UBE2W: variants seen among roughly 807,000 people sequenced by gnomAD.
UBE2W encodes ubiquitin conjugating enzyme E2 W.
Under a neutral mutation model 27.2 loss-of-function variants are expected in UBE2W, and 18 were observed. The observed-to-expected ratio is 0.66, with a 90% CI of 0.46 to 0.98. The LOEUF (loss-of-function observed/expected upper bound fraction) is 0.98. Ranked by LOEUF, UBE2W falls within the 50% of genes least tolerant of loss-of-function variation. UBE2W has a pLI of 0.00. For synonymous variants in UBE2W, 53 were observed against 57.2 expected, an observed-to-expected ratio of 0.93 and a Z score of 0.33; for missense variants, 90 against 180.2, an observed-to-expected ratio of 0.50 and a Z score of 2.87.
chr8:73,842,415 G>C (rs1456680082), intron 1 of UBE2W, among the ~76,000 whole-genome samples: 1 of 150,950 alleles, frequency 6.6e-6, no homozygotes. Context: ...TGTAGTCCCA[G>C]CTATTCGGGA....
chr8:73,785,386 G>A (rs932861015), downstream of UBE2W, among the ~76,000 whole-genome samples: 10 of 151,956 alleles, frequency 6.6e-5, no homozygotes, highest in African/African-American at 2.2e-4. Context: ...TCACTGATCC[G>A]CCTGCCTTGG....
At chr8:73,856,541 T>A (rs1811310408) in intron 1 of UBE2W, among the ~76,000 whole-genome samples, 1 of 148,634 alleles carries the variant, frequency 6.7e-6, no homozygotes. Flanking sequence ...ATTTTTGTAT[T>A]TTTTGTAGAG....
intron 3 of UBE2W, among the ~76,000 whole-genome samples, chr8:73,816,813 A>C (rs1275712657): frequency 2.6e-5 from 4 of 152,236 alleles, no homozygotes; most frequent in Non-Finnish European, 4.4e-5. Context: ...TGGGCGGATC[A>C]CTGGGGGGTT....
chr8:73,790,275 G>A lies in UBE2W; in HGVS notation c.*3827C>T. 2 of 985,258 alleles carry A rather than the reference G, an allele frequency of 2.0e-6. No individual in the cohort carries two copies. Among genetic ancestry groups the A allele is most frequent in the Non-Finnish European group, 2.4e-6 (2 of 829,900 alleles). 61.0% of individuals were successfully genotyped at this position (985,258 alleles called of 1,614,324 possible). ...TCAGTGGGAAGAGGCAGAAAAATAG[G>A]AAGAAAAATAAAGGACAGATTTAAA... On this transcript the variant is annotated 3_prime_UTR_variant, in exon 6 of 6. Coordinates refer to ENST00000602593, the MANE Select transcript of UBE2W (RefSeq NM_018299.6).
At chr8:73,867,837 C>A (rs1473559201) in intron 1 of UBE2W, among the ~76,000 whole-genome samples, 3 of 151,906 alleles carry the variant, frequency 2.0e-5, no homozygotes, top group Admixed American at 6.6e-5. Flanking sequence ...CAAACCAAAA[C>A]CACAATGAGA....
chr8:73,841,791 A>C (rs1810547028), intron 1 of UBE2W, among the ~76,000 whole-genome samples: 1 of 152,252 alleles, frequency 6.6e-6, no homozygotes, highest in African/African-American at 2.4e-5. Flanking sequence ...AAACAAATCC[A>C]ATAGCAAAAC....
In UBE2W at chr8:73,791,488, A is replaced by T; in HGVS notation, c.*2614T>A. 1.0e-6 allele frequency: 1 copy of T among 985,284 alleles called. No homozygotes were observed. Among genetic ancestry groups the T allele is most frequent in the Non-Finnish European group, 1.2e-6 (1 of 829,830 alleles). 61.0% of individuals were successfully genotyped at this position (985,284 alleles called of 1,614,324 possible). A position where few individuals can be genotyped will look rare whatever the true frequency, so the allele number is the denominator to read the frequency against. On this transcript the variant is annotated 3_prime_UTR_variant, in exon 6 of 6. Coordinates refer to ENST00000602593, the MANE Select transcript of UBE2W (RefSeq NM_018299.6). Reference sequence around the variant, plus strand: ...TAGTGCCCCACGAGGAAATGCAGGGAGGAGGCAAGTAGCATATTCCTATAT... The same window carrying T: ...TAGTGCCCCACGAGGAAATGCAGGGTGGAGGCAAGTAGCATATTCCTATAT...
At chr8:73,836,498 TAGAC>T (rs1400077665) in intron 1 of UBE2W, among the ~76,000 whole-genome samples, 9 of 152,228 alleles carry the variant, frequency 5.9e-5, no homozygotes, top group African/African-American at 2.2e-4. Flanking sequence ...AACAGTTCAT[TAGAC>T]AGGGCAGGAA....
intron 1 of UBE2W, among the ~76,000 whole-genome samples, chr8:73,874,727 T>C (rs1187010335): frequency 6.6e-6 from 1 of 151,902 alleles, no homozygotes; most frequent in African/African-American, 2.4e-5. Flanking sequence ...GTTTAACTCC[T>C]ATCAATTTTA....
chr8:73,834,887 C>A (rs994171706), intron 1 of UBE2W, among the ~76,000 whole-genome samples: 2 of 152,102 alleles, frequency 1.3e-5, no homozygotes, highest in African/African-American at 4.8e-5. Flanking sequence ...GCAGCCTGGG[C>A]TATAGAGTGA....
At chr8:73,823,917 A>C (rs905852533) in intron 3 of UBE2W, among the ~76,000 whole-genome samples, 11 of 152,336 alleles carry the variant, frequency 7.2e-5, no homozygotes, top group African/African-American at 2.4e-4. Flanking sequence ...ATATTGTTTA[A>C]AGTGACAATG....
Position 73,787,781 on chromosome 8 carries a change from C to T in UBE2W, c.*6321G>A. On this transcript the variant is annotated 3_prime_UTR_variant, in exon 6 of 6. Coordinates refer to ENST00000602593, the MANE Select transcript of UBE2W (RefSeq NM_018299.6). The stretch of plus-strand genomic sequence containing the variant: ...GCATCCAGAAGTTCTTAGAGTATGC[C>T]CTTAATTGTACAACTTGAAGTTCAG... The T allele has an allele frequency of 5.1e-6, 5 of 985,316 alleles. No individual in the cohort carries two copies. Among genetic ancestry groups the T allele is most frequent in the Non-Finnish European group, 6.0e-6 (5 of 829,922 alleles). 61.0% of individuals were successfully genotyped at this position (985,316 alleles called of 1,614,324 possible). A position where few individuals can be genotyped will look rare whatever the true frequency, so the allele number is the denominator to read the frequency against.
intron 1 of UBE2W, among the ~76,000 whole-genome samples, chr8:73,866,768 G>C (rs1263601888): frequency 2.0e-5 from 3 of 151,916 alleles, no homozygotes; most frequent in African/African-American, 7.3e-5. Flanking sequence ...AAAGTAAATT[G>C]GCTGGGCGCG....
intron 4 of UBE2W, among the ~76,000 whole-genome samples, chr8:73,781,120 A>G (rs990021304): frequency 1.3e-5 from 2 of 151,734 alleles, no homozygotes; most frequent in Admixed American, 1.3e-4. Context: ...AAATACAAAA[A>G]TTAGCCAGGC....
intron 5 of UBE2W, among the ~76,000 whole-genome samples, chr8:73,797,759 A>T (rs1430779907): frequency 6.6e-6 from 1 of 152,230 alleles, no homozygotes; most frequent in Non-Finnish European, 1.5e-5. Context: ...CCCAAATTAC[A>T]GACTCATTTT....
rs1046611888 is a variant in UBE2W at position 73,803,629 on chromosome 8, G to A, written c.442+2022C>T. Among the ~76,000 whole-genome samples, 9 of 151,822 alleles carry A rather than the reference G, an allele frequency of 5.9e-5. No homozygotes were observed. The South Asian group carries it at 6.2e-4, about 11-fold the overall frequency. ...CGAACCTACAGTTTGTAAAATACAC[G>A]TATTTTTATTTCACAGCTCTTAAAG... On this transcript the variant is annotated intron_variant, in intron 5 of 5. Coordinates refer to ENST00000602593, the MANE Select transcript of UBE2W (RefSeq NM_018299.6).
At chr8:73,874,167 G>A (rs1033352438) in intron 1 of UBE2W, among the ~76,000 whole-genome samples, 2 of 152,116 alleles carry the variant, frequency 1.3e-5, no homozygotes, top group African/African-American at 2.4e-5. Context: ...CGCGGTGGCT[G>A]ACGCCTGTAA....
At chr8:73,805,932 T>C (rs1808885282) in intron 4 of UBE2W, among the ~76,000 whole-genome samples, 1 of 152,156 alleles carries the variant, frequency 6.6e-6, no homozygotes, top group East Asian at 1.9e-4. Flanking sequence ...ATAAGCGTGT[T>C]TGAGTGTGGT....
intron 5 of UBE2W, chr8:73,795,828 T>C: frequency 2.0e-6 from 2 of 977,192 alleles, no homozygotes; most frequent in Non-Finnish European, 2.4e-6. Context: ...ACGCCTGTAA[T>C]TCCAGCATTT....
Sources: gnomAD v4.1 joint callset for allele counts (sites outside exome capture counted in the v4.1 genomes callset) on GRCh38, gnomAD v4.1.1 for gene constraint, MANE v1.5 for transcripts, NCBI Gene and HGNC (gene_info 2026-07-23, HGNC 2026-07-21) for gene names.